Variants in MGLL observed in about 807,000 individuals in gnomAD.
The protein encoded by MGLL is monoglyceride lipase.
In MGLL, 7 loss-of-function variants were observed where a neutral mutation model predicts 29.1. The ratio of observed to expected loss-of-function variants is 0.24; its 90% confidence interval spans 0.14 to 0.45. The LOEUF (loss-of-function observed/expected upper bound fraction) is 0.45, where lower values mean the gene tolerates loss of function less well. Among genes scored for constraint, MGLL ranks in the 20% least tolerant of loss-of-function variants. MGLL has a pLI of 0.99. For missense variants in MGLL, 356 were observed against 413.6 expected, an observed-to-expected ratio of 0.86 and a Z score of 1.21; for synonymous variants, 148 against 168.3, an observed-to-expected ratio of 0.88 and a Z score of 0.93.
intron 3 of MGLL, among the ~76,000 whole-genome samples, chr3:127,756,469 A>C (rs563617292): frequency 1.1e-4 from 17 of 152,318 alleles, no homozygotes; most frequent in African/African-American, 4.1e-4. Context: ...AAAATCATTC[A>C]AACTGGCTAA....
At chr3:127,800,218 A>G (rs952779749) in intron 2 of MGLL, among the ~76,000 whole-genome samples, 16 of 152,338 alleles carry the variant, frequency 1.1e-4, no homozygotes, top group African/African-American at 3.8e-4. Flanking sequence ...CTGAATGGCC[A>G]TGTGGAGCCC....
chr3:127,704,696 A>C (rs2075565037), intron 6 of MGLL, among the ~76,000 whole-genome samples: 1 of 152,248 alleles, frequency 6.6e-6, no homozygotes, highest in Non-Finnish European at 1.5e-5. Context: ...ATGAGATACC[A>C]TCTCACGCCA....
chr3:127,783,196 T>C (rs969289486), intron 2 of MGLL, among the ~76,000 whole-genome samples: 1 of 144,622 alleles, frequency 6.9e-6, no homozygotes, highest in African/African-American at 2.6e-5. Flanking sequence ...CCGAGCCACA[T>C]GGCAAGTTGG....
At chr3:127,762,501 A>G (rs924194696) in intron 3 of MGLL, among the ~76,000 whole-genome samples, 24 of 152,262 alleles carry the variant, frequency 1.6e-4, no homozygotes, top group Admixed American at 2.6e-4. Context: ...ACTTGCAGCC[A>G]GAGTGATTTT....
intron 2 of MGLL, among the ~76,000 whole-genome samples, chr3:127,788,204 G>A (rs1576292110): frequency 1.3e-5 from 2 of 152,306 alleles, no homozygotes; most frequent in Admixed American, 1.3e-4. Context: ...ACAGAGTTAG[G>A]CATTAAATAA....
chr3:127,761,659 G>A lies in MGLL; in HGVS notation c.262+20130C>T, dbSNP rs568610890. ...TTCCTCTTTTGGCTGGTGAGGACAC[G>A]GAGGCACAGAGAGGGCTGGCGCACA... is the stretch of plus-strand genomic sequence containing the variant. On this transcript the variant is annotated intron_variant, in intron 3 of 7. Coordinates refer to ENST00000265052, the MANE Select transcript of MGLL (RefSeq NM_007283.7). The surrounding 1 kb of genome is among the most constrained non-coding windows in gnomAD (Gnocchi z 4.6). Among the ~76,000 whole-genome samples the A allele has an allele frequency of 1.3e-5, 2 of 152,316 alleles. No individual in the cohort carries two copies. Among genetic ancestry groups the A allele is most frequent in the South Asian group, 2.1e-4 (1 of 4,822 alleles).
At chr3:127,731,853 A>G (rs868491708) in intron 3 of MGLL, among the ~76,000 whole-genome samples, 1 of 152,206 alleles carries the variant, frequency 6.6e-6, no homozygotes, top group African/African-American at 2.4e-5. Context: ...AGTAATGTTC[A>G]TGTCTGTGTG....
chr3:127,787,177 C>A (rs73862351), intron 2 of MGLL, among the ~76,000 whole-genome samples: 8,657 of 152,296 alleles, frequency 0.057, 555 homozygotes, highest in East Asian at 0.3. Context: ...ATGGTCACTG[C>A]CAGCCCCCTG....
At chr3:127,748,037 T>C (rs1257828598) in intron 3 of MGLL, among the ~76,000 whole-genome samples, 1 of 152,122 alleles carries the variant, frequency 6.6e-6, no homozygotes, top group East Asian at 1.9e-4. Flanking sequence ...AGCCACAGCG[T>C]CTGGTATTAA....
chr3:127,707,792 C>A (rs2075631167), intron 6 of MGLL, among the ~76,000 whole-genome samples: 1 of 152,232 alleles, frequency 6.6e-6, no homozygotes, highest in South Asian at 2.1e-4. Flanking sequence ...GAAGGCTTCA[C>A]ACATGCGGCG....
chr3:127,773,211 G>C (rs952129402), intron 3 of MGLL, among the ~76,000 whole-genome samples: 2 of 152,212 alleles, frequency 1.3e-5, no homozygotes, highest in African/African-American at 4.8e-5. Context: ...AATGCTGTGG[G>C]CTGCTGCTTA....
chr3:127,691,798 G>C lies in MGLL; in HGVS notation c.*400C>G, dbSNP rs1031536118. 1 of 278,876 alleles carries C rather than the reference G, an allele frequency of 3.6e-6. No homozygotes were observed. Among genetic ancestry groups the C allele is most frequent in the Non-Finnish European group, 7.0e-6 (1 of 143,752 alleles). 17.3% of individuals were successfully genotyped at this position (278,876 alleles called of 1,614,324 possible). A position where few individuals can be genotyped will look rare whatever the true frequency, so the allele number is the denominator to read the frequency against. On this transcript the variant is annotated 3_prime_UTR_variant, in exon 8 of 8. Coordinates refer to ENST00000265052, the MANE Select transcript of MGLL (RefSeq NM_007283.7). ...GGAGGCTGGTCAGAGAGGGCGCTGGGGCGTGAGCGAAGGGTGGGCAGGAAG... is the reference window on the plus strand; with the variant it reads ...GGAGGCTGGTCAGAGAGGGCGCTGGCGCGTGAGCGAAGGGTGGGCAGGAAG...
chr3:127,694,041 G>A (rs1222451537), intron 7 of MGLL, among the ~76,000 whole-genome samples: 2 of 152,054 alleles, frequency 1.3e-5, no homozygotes, highest in Non-Finnish European at 2.9e-5. Flanking sequence ...GGAGGCCAAG[G>A]CAGGTGGATC....
In MGLL at chr3:127,726,173, AAAGAAAGAAAGAAAAGAAAAG is replaced by A. The variant is rs1248374439; in HGVS notation, c.263-3628_263-3608del. On this transcript the variant is annotated intron_variant, in intron 3 of 7. Coordinates refer to ENST00000265052, the MANE Select transcript of MGLL (RefSeq NM_007283.7). Reference sequence around the variant, plus strand: ...GAAAGAAAGAAAGAAAGAAAGAAAGAAAGAAAGAAAGAAAAGAAAAGAAAGAAAGAAAGACAGAAGGAAGGA... The same window carrying A: ...GAAAGAAAGAAAGAAAGAAAGAAAGAAAAGAAAGAAAGACAGAAGGAAGGA... Among the ~76,000 whole-genome samples, 74 of 36,850 alleles carry A rather than the reference AAAGAAAGAAAGAAAAGAAAAG, an allele frequency of 2.0e-3. No homozygotes were observed. The East Asian group carries it at 0.023, about 12-fold the overall frequency. 24.2% of individuals were successfully genotyped at this position (36,850 alleles called of 152,430 possible).
intron 2 of MGLL, among the ~76,000 whole-genome samples, 156 bp downstream of exon 2, chr3:127,821,538 A>G (rs2077859799): frequency 6.6e-6 from 1 of 152,154 alleles, no homozygotes; most frequent in Non-Finnish European, 1.5e-5. Flanking sequence ...TATACATTTT[A>G]GCTTTGTTAA....
At chr3:127,725,292 G>A (rs530845269) in intron 3 of MGLL, among the ~76,000 whole-genome samples, 66 of 152,154 alleles carry the variant, frequency 4.3e-4, no homozygotes, top group Non-Finnish European at 7.1e-4. Context: ...GCTGATTTCT[G>A]TATTTATTCC....
At chr3:127,728,564 C>T (rs1206740250) in intron 3 of MGLL, among the ~76,000 whole-genome samples, 2 of 152,178 alleles carry the variant, frequency 1.3e-5, no homozygotes, top group Non-Finnish European at 2.9e-5. Context: ...CTCCATTCTG[C>T]CTTACTGTTG....
At chr3:127,748,408 AAGAGAGAGAGAGAGAGAGAGGGAG>A (rs147251606) in intron 3 of MGLL, among the ~76,000 whole-genome samples, 1 of 137,714 alleles carries the variant, frequency 7.3e-6, no homozygotes, top group Non-Finnish European at 1.6e-5. Context: ...GAGAGAGAGA[AAGAGAGAGAGAGAGAGAGAGGGAG>A]AGAGAGAGAG....
chr3:127,700,741 A>G (rs2075463197), intron 6 of MGLL, among the ~76,000 whole-genome samples: 1 of 152,186 alleles, frequency 6.6e-6, no homozygotes, highest in African/African-American at 2.4e-5. Flanking sequence ...AGTGTCCACA[A>G]TGGGAATGAG....
Sources: gnomAD v4.1 joint callset for allele counts (sites outside exome capture counted in the v4.1 genomes callset) on GRCh38, gnomAD v4.1.1 for gene constraint, Gnocchi (gnomAD v3.1) non-coding constraint, MANE v1.5 for transcripts, NCBI Gene and HGNC (gene_info 2026-07-23, HGNC 2026-07-21) for gene names.